The following USP13 variants were observed in gnomAD, a reference collection of about 807,000 sequenced individuals.
USP13 encodes ubiquitin specific peptidase 13, also known as ubiquitin carboxyl-terminal hydrolase 13.
Under a neutral mutation model 107.8 loss-of-function variants are expected in USP13, and 68 were observed. The observed-to-expected ratio is 0.63, with a 90% confidence interval of 0.52 to 0.77. The LOEUF (loss-of-function observed/expected upper bound fraction) is 0.77, where lower values mean the gene tolerates loss of function less well. Ranked by LOEUF, USP13 falls within the 30% of genes least tolerant of loss-of-function variation. The pLI, the probability that USP13 is intolerant of heterozygous loss-of-function variation, is 0.00. For missense variants in USP13, 945 were observed against 1,093.3 expected, an observed-to-expected ratio of 0.86 and a Z score of 1.91; for synonymous variants, 377 against 389.5, an observed-to-expected ratio of 0.97 and a Z score of 0.38.
intron 2 of USP13, among the ~76,000 whole-genome samples, chr3:179,688,234 C>CATCCATCCATTCATCT (rs780480797): frequency 6.9e-6 from 1 of 145,854 alleles, no homozygotes. Context: ...TCCATCCATC[C>CATCCATCCATTCATCT]ATCCAACAAA....
intron 13 of USP13, among the ~76,000 whole-genome samples, chr3:179,750,147 C>T (rs1714543794): frequency 1.3e-5 from 2 of 151,446 alleles, no homozygotes; most frequent in Non-Finnish European, 2.9e-5. Context: ...CACCTGTAAT[C>T]CCAGCGACTC....
At chr3:179,752,493 C>A in intron 14 of USP13, 120 bp downstream of exon 14, 1 of 773,416 alleles carries the variant, frequency 1.3e-6, no homozygotes, top group Non-Finnish European at 2.2e-6. Context: ...CCATCATTCT[C>A]ACCTTTCTGT....
At chr3:179,783,066 AT>A (rs1715801225) in intron 20 of USP13, among the ~76,000 whole-genome samples, 1 of 152,162 alleles carries the variant, frequency 6.6e-6, no homozygotes, top group Admixed American at 6.5e-5. Flanking sequence ...TTTGTGGTGA[AT>A]TGTTTTTATT....
chr3:179,706,829 G>A lies in USP13; in HGVS notation c.478-105G>A, dbSNP rs549524071. ...CTCTTGCGACAACTACGCTGTTTGC[G>A]TTTCTTCAGTTTTTAAATTCATATT... On this transcript the variant is annotated intron_variant, in intron 4 of 20. Coordinates refer to ENST00000263966, the MANE Select transcript of USP13 (RefSeq NM_003940.3). The A allele has an allele frequency of 3.8e-4, 505 of 1,331,512 alleles. 2 individuals are homozygous for A. Among genetic ancestry groups the A allele is most frequent in the Non-Finnish European group, 4.8e-4 (469 of 986,296 alleles). 82.5% of individuals were successfully genotyped at this position (1,331,512 alleles called of 1,614,324 possible).
rs1560047157 is a variant in USP13 at position 179,682,899 on chromosome 3, C to G, written c.294+896C>G. Among the ~76,000 whole-genome samples the G allele has an allele frequency of 5.9e-5, 9 of 152,178 alleles. No homozygotes were observed. In the South Asian group the frequency reaches 1.9e-3, roughly 32 times the overall value. On this transcript the variant is annotated intron_variant, in intron 2 of 20. Transcript: ENST00000263966. The stretch of plus-strand genomic sequence containing the variant: ...TTATTAGATAGTGCCAAGTCTCTCC[C>G]CAGAGTGATTGTACCTATTTACACT...
At chr3:179,743,367 G>GT (rs1312936317) in intron 12 of USP13, among the ~76,000 whole-genome samples, 1 of 148,580 alleles carries the variant, frequency 6.7e-6, no homozygotes, top group South Asian at 2.2e-4. Context: ...GTATCCTGGA[G>GT]TTTTTTTGTT....
chr3:179,729,307 A>T (rs1225041609), intron 8 of USP13, among the ~76,000 whole-genome samples: 1 of 152,120 alleles, frequency 6.6e-6, no homozygotes, highest in African/African-American at 2.4e-5. Context: ...GACAGCAAGG[A>T]TGGGTGATTT....
At chr3:179,706,813 C>CA in intron 4 of USP13, 121 bp from the exon 5 acceptor site, 1 of 1,204,042 alleles carries the variant, frequency 8.3e-7, no homozygotes, top group Non-Finnish European at 1.1e-6. Flanking sequence ...TCTCTTGCGA[C>CA]AACTACGCTG....
chr3:179,720,522 TATA>T (rs1158557149), intron 7 of USP13, among the ~76,000 whole-genome samples: 6 of 152,236 alleles, frequency 3.9e-5, no homozygotes, highest in Non-Finnish European at 5.9e-5. Context: ...GTCATGACTA[TATA>T]ATATTTTTCC....
chr3:179,763,367 T>C (rs903110246), intron 17 of USP13, among the ~76,000 whole-genome samples: 1 of 152,238 alleles, frequency 6.6e-6, no homozygotes, highest in Non-Finnish European at 1.5e-5. Flanking sequence ...TTTAGGTCAA[T>C]GAGCCATTTT....
At chr3:179,681,439 T>C (rs2108453406) in intron 1 of USP13, among the ~76,000 whole-genome samples, 1 of 152,242 alleles carries the variant, frequency 6.6e-6, no homozygotes, top group African/African-American at 2.4e-5. Context: ...GTTAAAAAAG[T>C]AATTGGTTAC....
intron 1 of USP13, among the ~76,000 whole-genome samples, chr3:179,666,004 G>A (rs1720575477): frequency 6.6e-6 from 1 of 152,200 alleles, no homozygotes; most frequent in South Asian, 2.1e-4. Context: ...GGAATCCGAA[G>A]AGACAGTGCT....
At chr3:179,705,757 C>G (rs1384955082) in intron 4 of USP13, among the ~76,000 whole-genome samples, 1 of 151,682 alleles carries the variant, frequency 6.6e-6, no homozygotes, top group African/African-American at 2.4e-5. Context: ...GGTTTCTCTC[C>G]TGTTGCCCAG....
At position 179,750,320 on chromosome 3, in the gene USP13, A is replaced by G. The variant is rs1486156206; in HGVS notation, c.1710-1965A>G. Among the ~76,000 whole-genome samples the G allele has an allele frequency of 7.1e-3, 288 of 40,794 alleles. 2 individuals are homozygous for G. Among genetic ancestry groups the G allele is most frequent in the African/African-American group, 0.015 (194 of 13,368 alleles). The allele number at this position is 40,794 out of a possible 152,430, so 26.8% of individuals were successfully genotyped here. The stretch of plus-strand genomic sequence containing the variant: ...TATGTGTGTGTATATATATATATAT[A>G]TGTGTGTATATATATATATATATAT... On this transcript the variant is annotated intron_variant, in intron 13 of 20. Coordinates refer to ENST00000263966, the MANE Select transcript of USP13 (RefSeq NM_003940.3).
At chr3:179,702,359 C>G (rs1712565345) in intron 4 of USP13, among the ~76,000 whole-genome samples, 1 of 152,200 alleles carries the variant, frequency 6.6e-6, no homozygotes, top group South Asian at 2.1e-4. Context: ...CTGTGCACAC[C>G]TTGCCTTCCC....
chr3:179,699,411 T>A (rs1417222242), intron 3 of USP13, among the ~76,000 whole-genome samples: 1 of 152,214 alleles, frequency 6.6e-6, no homozygotes, highest in African/African-American at 2.4e-5. Context: ...CAATTTAGAA[T>A]CTTTTATTAA....
chr3:179,708,270 GT>G (rs1437817331), intron 5 of USP13, among the ~76,000 whole-genome samples: 1 of 152,024 alleles, frequency 6.6e-6, no homozygotes, highest in Non-Finnish European at 1.5e-5. Flanking sequence ...GGCAGGCAGG[GT>G]GCTGAGTGAT....
At chr3:179,740,509 T>G in intron 11 of USP13, 137 bp downstream of exon 11, 2 of 1,357,956 alleles carry the variant, frequency 1.5e-6, no homozygotes, top group East Asian at 4.7e-5. Flanking sequence ...TGGTTCAGAA[T>G]CAGATCCCTG....
At chr3:179,700,265 A>G (rs1455879272) in intron 3 of USP13, among the ~76,000 whole-genome samples, 1 of 152,188 alleles carries the variant, frequency 6.6e-6, no homozygotes, top group East Asian at 1.9e-4. Context: ...GACTACTCAC[A>G]TTATAGGGCT....
Sources: allele counts gnomAD v4.1 joint callset (sites outside exome capture counted in the v4.1 genomes callset), GRCh38; gene constraint gnomAD v4.1.1; transcripts MANE v1.5; gene names NCBI Gene and HGNC (gene_info 2026-07-23, HGNC 2026-07-21).